Variants in AGBL1 observed in about 807,000 individuals in gnomAD.
AGBL1 encodes cytosolic carboxypeptidase 4.
Under a neutral mutation model 118.9 loss-of-function variants are expected in AGBL1, and 130 were observed. That is an observed-to-expected ratio of 1.09 (90% CI 0.95 to 1.26). The LOEUF (loss-of-function observed/expected upper bound fraction) is 1.26. AGBL1 is among the 50% of genes most tolerant of loss of function. The pLI, the probability that AGBL1 is intolerant of heterozygous loss-of-function variation, is 0.00. For missense variants in AGBL1, 1,584 were observed against 1,298.1 expected, an observed-to-expected ratio of 1.22 and a Z score of -3.38; for synonymous variants, 555 against 478.9, an observed-to-expected ratio of 1.16 and a Z score of -2.08.
At chr15:86,126,647 T>G (rs1184006998) in intron 1 of AGBL1, among the ~76,000 whole-genome samples, 1 of 152,228 alleles carries the variant, frequency 6.6e-6, no homozygotes, top group East Asian at 1.9e-4. Flanking sequence ...TTGAATATAT[T>G]CTTTCACTGA....
chr15:86,254,494 G>A (rs1353276344), intron 7 of AGBL1, among the ~76,000 whole-genome samples: 1 of 152,176 alleles, frequency 6.6e-6, no homozygotes, highest in African/African-American at 2.4e-5. Flanking sequence ...TATTTATTAC[G>A]CCAAAGCGAA....
chr15:86,123,085 G>T (rs1335903754), intron 1 of AGBL1, among the ~76,000 whole-genome samples: 1 of 152,202 alleles, frequency 6.6e-6, no homozygotes, highest in Non-Finnish European at 1.5e-5. Context: ...ATTCTATAGA[G>T]AATCTCTATT....
chr15:86,949,520 TAATC>T lies in AGBL1; in HGVS notation c.3222-38464_3222-38461del, dbSNP rs1407315870. On this transcript the variant is annotated intron_variant, in intron 23 of 24. Coordinates refer to the AGBL1 transcript ENST00000441037. ...AACATAGATATTTCAGGCTGTCAAA[TAATC>T]AAAAGAAAGTTGACTTAAATATATT... 3.3e-5 allele frequency among the ~76,000 whole-genome samples: 5 copies of T among 152,004 alleles called. No individual in the cohort carries two copies. In the East Asian group the frequency reaches 9.6e-4, roughly 29 times the overall value.
chr15:86,768,620 T>C (rs2078129553), intron 22 of AGBL1, among the ~76,000 whole-genome samples: 1 of 152,010 alleles, frequency 6.6e-6, no homozygotes, highest in South Asian at 2.1e-4. Flanking sequence ...AAGCCTGACC[T>C]GACAACCTAG....
At chr15:86,759,460 A>G (rs186411487) in intron 22 of AGBL1, among the ~76,000 whole-genome samples, 59 of 152,298 alleles carry the variant, frequency 3.9e-4, no homozygotes, top group Non-Finnish European at 7.1e-4. Context: ...GGCAAAGTGC[A>G]TAGCATAGTG....
chr15:86,130,570 A>G (rs1237346364), intron 1 of AGBL1, among the ~76,000 whole-genome samples: 3 of 152,256 alleles, frequency 2.0e-5, no homozygotes, highest in African/African-American at 7.2e-5. Flanking sequence ...TCTATTCTCT[A>G]TCATGTAATT....
intron 18 of AGBL1, among the ~76,000 whole-genome samples, chr15:86,500,722 G>A (rs1030399833): frequency 6.6e-6 from 1 of 151,550 alleles, no homozygotes; most frequent in Non-Finnish European, 1.5e-5. Context: ...TTCTATTCTG[G>A]GTGTTTCATA....
chr15:86,988,109 A>C (rs1223156458), intron 24 of AGBL1: 1 of 1,611,656 alleles, frequency 6.2e-7, no homozygotes, highest in African/African-American at 1.3e-5. Flanking sequence ...CAGTTTCCTG[A>C]TTGTACATTG....
chr15:86,826,447 A>G (rs1412558993), intron 22 of AGBL1, among the ~76,000 whole-genome samples: 1 of 152,148 alleles, frequency 6.6e-6, no homozygotes, highest in African/African-American at 2.4e-5. Context: ...CCATCTGATA[A>G]TATTTTCTTA....
intron 22 of AGBL1, among the ~76,000 whole-genome samples, chr15:86,680,043 G>A (rs181072955): frequency 6.6e-6 from 1 of 152,162 alleles, no homozygotes; most frequent in African/African-American, 2.4e-5. Context: ...GGATACATCT[G>A]CACCTTGAAC....
chr15:86,458,613 G>A (rs1845902475), intron 18 of AGBL1, among the ~76,000 whole-genome samples: 1 of 152,084 alleles, frequency 6.6e-6, no homozygotes, highest in Admixed American at 6.6e-5. Context: ...AAATAGTCTG[G>A]CCACATCAAT....
In AGBL1 at chr15:87,016,344, T is replaced by G. The variant is rs559848261; in HGVS notation, c.3324-12481T>G. ...ATTAAGTGCAGGCTTAGCAATGGAC[T>G]CAGCCTGGAGGAGTTAGAGATGGTC... On this transcript the variant is annotated intron_variant, in intron 24 of 24. Coordinates refer to the AGBL1 transcript ENST00000441037. Among the ~76,000 whole-genome samples the G allele has an allele frequency of 8.5e-5, 13 of 152,312 alleles. No homozygotes were observed. The East Asian group carries it at 2.3e-3, about 27-fold the overall frequency.
chr15:86,724,113 G>A (rs1013829126), intron 22 of AGBL1, among the ~76,000 whole-genome samples: 1 of 151,962 alleles, frequency 6.6e-6, no homozygotes, highest in Non-Finnish European at 1.5e-5. Flanking sequence ...GCGGGCGCCT[G>A]TAGTCCCAGC....
At chr15:86,371,671 A>G (rs2080972554) in intron 17 of AGBL1, among the ~76,000 whole-genome samples, 2 of 152,094 alleles carry the variant, frequency 1.3e-5, no homozygotes, top group South Asian at 2.1e-4. Flanking sequence ...AAGACCATTT[A>G]TGTGTGTGTC....
chr15:87,019,136 C>T (rs1288056469), intron 24 of AGBL1, among the ~76,000 whole-genome samples: 1 of 151,994 alleles, frequency 6.6e-6, no homozygotes, highest in Non-Finnish European at 1.5e-5. Context: ...TTTTAGAGAC[C>T]TACAAAAAGA....
At chr15:86,705,561 T>C (rs187731580) in intron 22 of AGBL1, among the ~76,000 whole-genome samples, 7 of 152,256 alleles carry the variant, frequency 4.6e-5, no homozygotes, top group African/African-American at 1.7e-4. Context: ...AGCATTGGAG[T>C]TAAATGAGCC....
chr15:86,582,362 G>A (rs1026455652), intron 21 of AGBL1, among the ~76,000 whole-genome samples: 2 of 152,072 alleles, frequency 1.3e-5, no homozygotes, highest in African/African-American at 4.8e-5. Flanking sequence ...TAAAGCCCTA[G>A]CCTTTGTAAT....
At chr15:86,532,137 G>T (rs1259101671) in intron 19 of AGBL1, among the ~76,000 whole-genome samples, 1 of 150,110 alleles carries the variant, frequency 6.7e-6, no homozygotes, top group Non-Finnish European at 1.5e-5. Flanking sequence ...AGGAAATAAG[G>T]GGTATTCAAT....
At chr15:86,881,230 A>C (rs1208386783) in intron 22 of AGBL1, among the ~76,000 whole-genome samples, 1 of 152,224 alleles carries the variant, frequency 6.6e-6, no homozygotes, top group Non-Finnish European at 1.5e-5. Flanking sequence ...CAATTCTGGC[A>C]TATAGAATAA....
Sources: gnomAD v4.1 joint callset for allele counts (sites outside exome capture counted in the v4.1 genomes callset) on GRCh38, gnomAD v4.1.1 for gene constraint, MANE v1.5 for transcripts, NCBI Gene and HGNC (gene_info 2026-07-23, HGNC 2026-07-21) for gene names.